FAT4: variants seen among roughly 807,000 people sequenced by gnomAD.
FAT4 encodes protocadherin Fat 4.
In FAT4, 84 loss-of-function variants were observed where a neutral mutation model predicts 303.9. That is an observed-to-expected ratio of 0.28 (90% CI 0.23 to 0.33). The LOEUF (loss-of-function observed/expected upper bound fraction) is 0.33. Ranked by LOEUF, FAT4 falls within the 10% of genes least tolerant of loss-of-function variation. The pLI, the probability that FAT4 is intolerant of heterozygous loss-of-function variation, is 1.00. For synonymous variants in FAT4, 2,307 were observed against 2,298.8 expected, an observed-to-expected ratio of 1.00 and a Z score of -0.10; for missense variants, 6,005 against 6,146.8, an observed-to-expected ratio of 0.98 and a Z score of 0.77.
chr4:125,399,455 G>A (rs1302996506), intron 3 of FAT4, among the ~76,000 whole-genome samples: 1 of 151,394 alleles, frequency 6.6e-6, no homozygotes, highest in East Asian at 1.9e-4. Context: ...TCTCTTTACT[G>A]GGTAAGGAGT....
intron 2 of FAT4, among the ~76,000 whole-genome samples, chr4:125,391,277 A>G (rs1406608791): frequency 1.3e-5 from 2 of 152,204 alleles, no homozygotes; most frequent in Non-Finnish European, 2.9e-5. Context: ...CCAAATGCCC[A>G]TCAATGATAG....
chr4:125,341,440 T>A (rs185078236), intron 2 of FAT4, among the ~76,000 whole-genome samples: 2 of 152,216 alleles, frequency 1.3e-5, no homozygotes, highest in Admixed American at 1.3e-4. Context: ...CCTCAAGTGT[T>A]TCTTATTTCT....
chr4:125,365,610 G>T (rs1193539850), intron 2 of FAT4, among the ~76,000 whole-genome samples: 1 of 152,136 alleles, frequency 6.6e-6, no homozygotes, highest in Non-Finnish European at 1.5e-5. Context: ...GAGATTCATA[G>T]ACTATTGCAG....
intron 12 of FAT4, among the ~76,000 whole-genome samples, chr4:125,470,644 C>T (rs974253385): frequency 6.6e-6 from 1 of 152,178 alleles, no homozygotes; most frequent in East Asian, 1.9e-4. Flanking sequence ...TTCTTCTGTA[C>T]TTTCCTCACC....
chr4:125,319,891 G>T lies in FAT4; in HGVS notation c.3480G>T (p.Gln1160His), dbSNP rs983072248. ...GTGGGGAAATTACAAATACTCATCA[G>T]TTTGACAGGGAGTCTCTTATGAGGC... ...AISGEITNTH[Q>H]FDRESLMRRR... The change falls in exon 2 of 18, where the codon CAG becomes CAT. Residue 1160 changes from glutamine to histidine, a missense_variant. Coordinates refer to ENST00000394329, the MANE Select transcript of FAT4 (RefSeq NM_001291303.3). The T allele has an allele frequency of 1.2e-6, 2 of 1,614,162 alleles. No homozygotes were observed. Among genetic ancestry groups the T allele is most frequent in the Admixed American group, 1.7e-5 (1 of 60,026 alleles).
intron 8 of FAT4, among the ~76,000 whole-genome samples, chr4:125,441,390 C>CA (rs1483443633): frequency 6.6e-6 from 1 of 151,912 alleles, no homozygotes; most frequent in Non-Finnish European, 1.5e-5. Flanking sequence ...AAGAGCTATG[C>CA]AAAAAACATG....
chr4:125,453,645 G>A (rs1417762099), intron 10 of FAT4, among the ~76,000 whole-genome samples: 1 of 151,850 alleles, frequency 6.6e-6, no homozygotes, highest in Non-Finnish European at 1.5e-5. Context: ...GGCAGAGGTT[G>A]CAGTGAGCCG....
At chr4:125,361,811 A>T (rs1013883311) in intron 2 of FAT4, among the ~76,000 whole-genome samples, 4 of 152,146 alleles carry the variant, frequency 2.6e-5, no homozygotes, top group Admixed American at 2.6e-4. Context: ...TTCCTACGTC[A>T]GTCATGAGCT....
chr4:125,408,261 G>A (rs1435212081), intron 4 of FAT4, among the ~76,000 whole-genome samples, 183 bp from the exon 5 acceptor site: 1 of 152,070 alleles, frequency 6.6e-6, no homozygotes, highest in East Asian at 1.9e-4. Flanking sequence ...GTCACATACT[G>A]TATTCAAATA....
intron 2 of FAT4, among the ~76,000 whole-genome samples, chr4:125,368,449 A>T (rs937035523): frequency 1.3e-5 from 2 of 150,026 alleles, no homozygotes; most frequent in Non-Finnish European, 3.0e-5. Flanking sequence ...AAGTCTTTGG[A>T]GGGAAGCCAG....
Position 125,321,447 on chromosome 4 carries a change from G to C in FAT4, c.5036G>C (p.Arg1679Pro). 6.2e-7 allele frequency: 1 copy of C among 1,614,050 alleles called. No individual in the cohort carries two copies. The highest frequency in any genetic ancestry group is 8.5e-7 in the Non-Finnish European group (1 of 1,180,002). Reference sequence around the variant, plus strand: ...CGTTGTGAAGAAAAAACTGTTGGACGCCTCTTTACTATTGGACGACATACT... The same window carrying C: ...CGTTGTGAAGAAAAAACTGTTGGACCCCTCTTTACTATTGGACGACATACT... ...SVRCEEKTVG[R>P]LFTIGRHTGI... is the part of the protein sequence containing the mutation. Residue 1679 changes from arginine to proline, a missense_variant, in exon 2 of 18, where the codon CGC becomes CCC. Transcript: ENST00000394329.
At chr4:125,330,817 T>C (rs2663260) in intron 2 of FAT4, among the ~76,000 whole-genome samples, 113,063 of 152,084 alleles carry the variant, frequency 0.74, 42,937 homozygotes, top group African/African-American at 0.89. Flanking sequence ...AAAAACTTCC[T>C]ATTTCACTTA....
chr4:125,351,967 T>C (rs1050085608), intron 2 of FAT4, among the ~76,000 whole-genome samples: 193 of 151,808 alleles, frequency 1.3e-3, no homozygotes, highest in African/African-American at 4.3e-3. Context: ...TCCAGAACGG[T>C]TGATGCTACC....
At chr4:125,348,721 C>T (rs928042933) in intron 2 of FAT4, among the ~76,000 whole-genome samples, 1 of 151,426 alleles carries the variant, frequency 6.6e-6, no homozygotes, top group Non-Finnish European at 1.5e-5. Flanking sequence ...GGATAATAGC[C>T]ATAATAATGT....
Position 125,391,495 on chromosome 4 carries a change from A to G in FAT4, c.5176-7289A>G, listed in dbSNP as rs531797268. Among the ~76,000 whole-genome samples, 11 of 152,240 alleles carry G rather than the reference A, an allele frequency of 7.2e-5. No individual in the cohort carries two copies. In the East Asian group the frequency reaches 1.9e-3, roughly 27 times the overall value. ...AGAACACGTGGACACAGAGAAGGGA[A>G]CAACACACACCAAGGCTTGTTGGGG... On this transcript the variant is annotated intron_variant, in intron 2 of 17. Coordinates refer to ENST00000394329, the MANE Select transcript of FAT4 (RefSeq NM_001291303.3).
chr4:125,354,683 G>T (rs1732358580), intron 2 of FAT4, among the ~76,000 whole-genome samples: 1 of 149,798 alleles, frequency 6.7e-6, no homozygotes, highest in African/African-American at 2.4e-5. Context: ...GAAAATGTGT[G>T]TGGAAATGGA....
chr4:125,415,378 G>A lies in FAT4; in HGVS notation c.6415G>A (p.Glu2139Lys), dbSNP rs1402426326. 6.2e-7 allele frequency: 1 copy of A among 1,614,048 alleles called. No individual in the cohort carries two copies. Among genetic ancestry groups the A allele is most frequent in the Non-Finnish European group, 8.5e-7 (1 of 1,179,974 alleles). ...TCAACCATCTCTCTCTTCATCTACA[G>A]AGGTTGTAGTTATGGTACTTGACAT... is the stretch of plus-strand genomic sequence containing the variant. ...KGQPSLSSSTEVVVMVLDIND... is the reference protein window; with the variant it reads ...KGQPSLSSSTKVVVMVLDIND... The change falls in exon 6 of 18, where the codon GAG (glutamate) becomes AAG (lysine). Residue 2139 changes from glutamate to lysine, a missense_variant. By Grantham distance (56) the Glu-to-Lys change is moderately conservative. Transcript: ENST00000394329.
intron 12 of FAT4, 75 bp from the exon 13 acceptor site, chr4:125,476,096 T>C: frequency 1.3e-6 from 1 of 747,090 alleles, no homozygotes. Flanking sequence ...AAGCAAGTCA[T>C]GGGTAGTGTT....
At chr4:125,350,896 C>T (rs1170477330) in intron 2 of FAT4, among the ~76,000 whole-genome samples, 2 of 151,686 alleles carry the variant, frequency 1.3e-5, no homozygotes, top group Non-Finnish European at 2.9e-5. Context: ...GAATGCCTGA[C>T]CCTTAAGACA....
Sources: allele counts gnomAD v4.1 joint callset (sites outside exome capture counted in the v4.1 genomes callset), GRCh38; gene constraint gnomAD v4.1.1; transcripts MANE v1.5; gene names NCBI Gene and HGNC (gene_info 2026-07-23, HGNC 2026-07-21).